The following ADGRG6 variants were observed in gnomAD, a reference collection of about 807,000 sequenced individuals.
ADGRG6 encodes G-protein coupled receptor 126.
ADGRG6 carries 84 observed loss-of-function variants against 142.4 expected under a neutral mutation model. The ratio of observed to expected loss-of-function variants is 0.59; its 90% CI spans 0.49 to 0.71. The LOEUF (loss-of-function observed/expected upper bound fraction) is 0.71. ADGRG6 is among the 30% of genes least tolerant of loss of function. The probability of loss-of-function intolerance (pLI) is 0.00; values close to 1 mark genes in which losing one functional copy is unlikely to be tolerated. For missense variants in ADGRG6, 1,367 were observed against 1,466.6 expected, an observed-to-expected ratio of 0.93 and a Z score of 1.11; for synonymous variants, 521 against 520.5, an observed-to-expected ratio of 1.00 and a Z score of -0.01.
intron 2 of ADGRG6, among the ~76,000 whole-genome samples, chr6:142,360,850 G>T (rs1275682149): frequency 6.6e-6 from 1 of 151,960 alleles, no homozygotes; most frequent in African/African-American, 2.4e-5. Flanking sequence ...TAGAGATGGG[G>T]TTTCACCATG....
At chr6:142,434,239 G>T (rs1582688890) in intron 22 of ADGRG6, among the ~76,000 whole-genome samples, 2 of 150,498 alleles carry the variant, frequency 1.3e-5, no homozygotes, top group East Asian at 3.9e-4. Flanking sequence ...TAACATAATA[G>T]TAATAATAAA....
rs1583101692 is a variant in ADGRG6, at chr6:142,404,221, T to C, written c.2127+248T>C. The C allele has an allele frequency of 1.1e-5, 5 of 456,426 alleles. No homozygotes were observed. In the East Asian group the frequency reaches 2.2e-4, roughly 20 times the overall value. 28.3% of individuals were successfully genotyped at this position (456,426 alleles called of 1,614,324 possible). A position where few individuals can be genotyped will look rare whatever the true frequency, so the allele number is the denominator to read the frequency against. On this transcript the variant is annotated intron_variant, in intron 14 of 24. Coordinates refer to ENST00000367609, the MANE Select transcript of ADGRG6 (RefSeq NM_198569.3). ...CAAGAGGGGTTACTGGAGCTAAGCA[T>C]GAGTAGGGGCCACCATACTTGGGGT...
chr6:142,414,880 C>T (rs1776278777), intron 18 of ADGRG6, 89 bp from the exon 19 acceptor site: 1 of 1,081,440 alleles, frequency 9.2e-7, no homozygotes, highest in South Asian at 2.0e-5. Context: ...GTAAGCTGCT[C>T]TAATGTTAAC....
At chr6:142,327,700 A>G (rs1420306144) in intron 2 of ADGRG6, among the ~76,000 whole-genome samples, 1 of 152,076 alleles carries the variant, frequency 6.6e-6, no homozygotes, top group African/African-American at 2.4e-5. Flanking sequence ...GCTCTTTATC[A>G]GTTTTTTCAC....
chr6:142,344,775 G>A (rs1044944926), intron 2 of ADGRG6, among the ~76,000 whole-genome samples: 2 of 151,932 alleles, frequency 1.3e-5, no homozygotes, highest in African/African-American at 4.8e-5. Context: ...TTGCAGAAGA[G>A]ATACACAGAC....
At chr6:142,326,933 C>T (rs536789573) in intron 2 of ADGRG6, among the ~76,000 whole-genome samples, 1 of 152,138 alleles carries the variant, frequency 6.6e-6, no homozygotes, top group African/African-American at 2.4e-5. Context: ...TTAATTGACA[C>T]AGATCATTCT....
intron 2 of ADGRG6, among the ~76,000 whole-genome samples, chr6:142,327,393 G>A (rs927035817): frequency 6.6e-6 from 1 of 152,032 alleles, no homozygotes. Flanking sequence ...ATTAGGAAAT[G>A]TTTTGGAACA....
At chr6:142,343,104 G>A (rs1779738355) in intron 2 of ADGRG6, among the ~76,000 whole-genome samples, 1 of 151,590 alleles carries the variant, frequency 6.6e-6, no homozygotes, top group African/African-American at 2.4e-5. Flanking sequence ...TGTATTATCT[G>A]CATTCTCTGC....
intron 15 of ADGRG6, among the ~76,000 whole-genome samples, chr6:142,407,385 T>C (rs577878332): frequency 9.1e-4 from 138 of 152,238 alleles, no homozygotes; most frequent in Non-Finnish European, 1.7e-3. Flanking sequence ...AACAAAAAGC[T>C]ATATTCTGGA....
At chr6:142,317,789 TA>T (rs1480467583) in intron 2 of ADGRG6, among the ~76,000 whole-genome samples, 5 of 90,672 alleles carry the variant, frequency 5.5e-5, no homozygotes, top group South Asian at 2.6e-4. Flanking sequence ...TATTTATATA[TA>T]ATATATATAT....
rs112182289 is a variant in ADGRG6 at position 142,349,234 on chromosome 6, C to G, written c.104-18335C>G. Reference sequence around the variant, plus strand: ...TGTTGCAGATAAAGTTCCTGAAACACCAGACTCTGAGATAGAGATTAGAAT... The same window carrying G: ...TGTTGCAGATAAAGTTCCTGAAACAGCAGACTCTGAGATAGAGATTAGAAT... On this transcript the variant is annotated intron_variant, in intron 2 of 24. Transcript: ENST00000367609. Among the ~76,000 whole-genome samples the G allele has an allele frequency of 4.7e-4, 72 of 152,264 alleles. 2 individuals carry two copies. Among genetic ancestry groups the G allele is most frequent in the African/African-American group, 1.7e-3 (72 of 41,540 alleles).
At chr6:142,318,449 C>G (rs905272724) in intron 2 of ADGRG6, among the ~76,000 whole-genome samples, 35 of 127,130 alleles carry the variant, frequency 2.8e-4, no homozygotes, top group African/African-American at 9.0e-4. Context: ...ATATATCAGG[C>G]TCATTTCAAA....
At chr6:142,334,540 A>C (rs1276770998) in intron 2 of ADGRG6, among the ~76,000 whole-genome samples, 1 of 152,168 alleles carries the variant, frequency 6.6e-6, no homozygotes, top group Admixed American at 6.5e-5. Context: ...GGCCCAGAAT[A>C]AGGAAGAACT....
chr6:142,408,291 C>T, intron 16 of ADGRG6, 22 bp downstream of exon 16: 2 of 1,531,014 alleles, frequency 1.3e-6, no homozygotes, highest in African/African-American at 1.4e-5. Context: ...CTCCCAATAG[C>T]ATTTGGACAG....
At chr6:142,306,541 T>G (rs1777503094) in intron 1 of ADGRG6, among the ~76,000 whole-genome samples, 1 of 152,136 alleles carries the variant, frequency 6.6e-6, no homozygotes, top group Admixed American at 6.5e-5. Context: ...TTTTCACCTG[T>G]AAGATGATAG....
At chr6:142,330,059 A>T (rs57193022) in intron 2 of ADGRG6, among the ~76,000 whole-genome samples, 2 of 146,582 alleles carry the variant, frequency 1.4e-5, no homozygotes, top group Non-Finnish European at 3.0e-5. Context: ...TGCCACTGCA[A>T]TTTTTTTTTT....
At chr6:142,330,537 C>T (rs1032169293) in intron 2 of ADGRG6, among the ~76,000 whole-genome samples, 1 of 152,102 alleles carries the variant, frequency 6.6e-6, no homozygotes, top group African/African-American at 2.4e-5. Context: ...TACTAGGTCA[C>T]CAGATCCATT....
chr6:142,353,425 T>A (rs1056163179), intron 2 of ADGRG6, among the ~76,000 whole-genome samples: 12 of 152,122 alleles, frequency 7.9e-5, no homozygotes, highest in African/African-American at 2.9e-4. Flanking sequence ...GTAGGATGTC[T>A]CCCTCCCAGC....
At chr6:142,423,568 T>G (rs1453044015) in intron 22 of ADGRG6, among the ~76,000 whole-genome samples, 1 of 148,210 alleles carries the variant, frequency 6.7e-6, no homozygotes, top group Non-Finnish European at 1.5e-5. Flanking sequence ...TTTTGGTTAC[T>G]GTAGCCTTGT....
Sources: allele counts gnomAD v4.1 joint callset (sites outside exome capture counted in the v4.1 genomes callset), GRCh38; gene constraint gnomAD v4.1.1; transcripts MANE v1.5; gene names NCBI Gene and HGNC (gene_info 2026-07-23, HGNC 2026-07-21).